CSMD2: variants seen among roughly 807,000 people sequenced by gnomAD.
The protein encoded by CSMD2 is CUB and Sushi multiple domains 2, also known as CUB and sushi domain-containing protein 2.
Under a neutral mutation model 398.5 loss-of-function variants are expected in CSMD2, and 130 were observed. That is an observed-to-expected ratio of 0.33 (90% confidence interval 0.28 to 0.38). The LOEUF (loss-of-function observed/expected upper bound fraction) is 0.38, where lower values mean the gene tolerates loss of function less well. Among genes scored for constraint, CSMD2 ranks in the 10% least tolerant of loss-of-function variants. The pLI, the probability that CSMD2 is intolerant of heterozygous loss-of-function variation, is 1.00. For synonymous variants in CSMD2, 1,828 were observed against 1,908.5 expected (o/e 0.96, Z 1.10); for missense variants, 3,829 against 4,764.9 (o/e 0.80, Z 5.78).
At chr1:34,077,694 G>A (rs985462561) in intron 2 of CSMD2, among the ~76,000 whole-genome samples, 67 of 135,224 alleles carry the variant, frequency 5.0e-4, no homozygotes, top group African/African-American at 1.8e-3. Context: ...CTGAGATTGT[G>A]CCACTGCACT....
Position 33,698,796 on chromosome 1 carries a change from A to T in CSMD2, c.3882T>A (p.Ser1294Arg), listed in dbSNP as rs1365600383. The T allele has an allele frequency of 1.9e-6, 3 of 1,614,074 alleles. No individual in the cohort carries two copies. The South Asian group carries it at 3.3e-5, about 18-fold the overall frequency. ...LRGSEELLCL[S>R]GERRTWDRPL... ...GCCGGTCCCAGGTCCGGCGCTCTCC[A>T]CTCAGACACAGCAGCTCCTCACTAC... is the stretch of plus-strand genomic sequence containing the variant. Residue 1294 changes from serine to arginine, a missense_variant, in exon 24 of 71, where the codon AGT (serine) becomes AGA (arginine). Physicochemically the swap from Ser to Arg is moderately radical, Grantham distance 110 (BLOSUM62 -1). This residue lies in a region of CSMD2 where 2,001 missense variants were observed against 2,567.1 expected (regional missense o/e 0.78). Coordinates refer to ENST00000373381, the MANE Select transcript of CSMD2 (RefSeq NM_001281956.2).
intron 2 of CSMD2, among the ~76,000 whole-genome samples, chr1:34,044,540 A>G (rs1652256652): frequency 1.4e-5 from 2 of 139,136 alleles, no homozygotes; most frequent in South Asian, 2.6e-4. Flanking sequence ...GGCTGTTGCT[A>G]TGTCAGCCAT....
chr1:33,741,999 C>T (rs1033065266), intron 14 of CSMD2, among the ~76,000 whole-genome samples: 13 of 152,196 alleles, frequency 8.5e-5, no homozygotes, highest in Non-Finnish European at 1.5e-4. Flanking sequence ...AGGCCCTGTG[C>T]GGGGCCAAGG....
Position 33,687,043 on chromosome 1 carries a change from C to T in CSMD2, c.4052+5887G>A, listed in dbSNP as rs192574356. ...TTAAGGAGGGTACCCTCTTTAATTA[C>T]CATCTTAAACATAAGAGAACTGAGG... On this transcript the variant is annotated intron_variant, in intron 25 of 70. Coordinates refer to ENST00000373381, the MANE Select transcript of CSMD2 (RefSeq NM_001281956.2). Among the ~76,000 whole-genome samples, 4 of 152,270 alleles carry T rather than the reference C, an allele frequency of 2.6e-5. No homozygotes were observed. The East Asian group carries it at 7.7e-4, about 29-fold the overall frequency.
intron 5 of CSMD2, among the ~76,000 whole-genome samples, chr1:33,851,817 T>C (rs1358499064): frequency 6.6e-6 from 1 of 152,204 alleles, no homozygotes; most frequent in African/African-American, 2.4e-5. Context: ...CATGATGTTA[T>C]ATATTTTCCA....
intron 2 of CSMD2, among the ~76,000 whole-genome samples, chr1:34,087,546 A>G (rs867107129): frequency 3.7e-4 from 56 of 151,568 alleles, no homozygotes; most frequent in Non-Finnish European, 6.0e-4. Context: ...GCAGAAAACC[A>G]CCACGGCACA....
chr1:33,850,278 C>T (rs1349685221), intron 5 of CSMD2, among the ~76,000 whole-genome samples: 1 of 152,146 alleles, frequency 6.6e-6, no homozygotes, highest in East Asian at 1.9e-4. Flanking sequence ...TTCATGTATT[C>T]AGGAATACAC....
At chr1:33,691,342 C>T (rs2149094448) in intron 25 of CSMD2, among the ~76,000 whole-genome samples, 1 of 152,146 alleles carries the variant, frequency 6.6e-6, no homozygotes, top group East Asian at 1.9e-4. Flanking sequence ...GAAGGTTATC[C>T]CAGCAGTGCC....
intron 25 of CSMD2, among the ~76,000 whole-genome samples, chr1:33,665,530 C>T (rs1422771212): frequency 8.0e-6 from 1 of 125,116 alleles, no homozygotes; most frequent in African/African-American, 3.1e-5. Flanking sequence ...TTCAGTGGTG[C>T]AATCGTAACT....
At chr1:33,990,776 TG>T (rs1646525360) in intron 3 of CSMD2, among the ~76,000 whole-genome samples, 1 of 152,196 alleles carries the variant, frequency 6.6e-6, no homozygotes, top group East Asian at 1.9e-4. Flanking sequence ...AGGCCAGGGG[TG>T]AGCCTACTGA....
chr1:34,069,761 G>T (rs1432695674), intron 2 of CSMD2, among the ~76,000 whole-genome samples: 1 of 152,208 alleles, frequency 6.6e-6, no homozygotes, highest in African/African-American at 2.4e-5. Flanking sequence ...GGTGTGATTA[G>T]ATTTGGAGAA....
In CSMD2 at chr1:33,559,502, C is replaced by A. The variant is rs754978874; in HGVS notation, c.8381-29G>T. 6.5e-7 allele frequency: 1 copy of A among 1,533,322 alleles called. No homozygotes were observed. Among genetic ancestry groups the A allele is most frequent in the Middle Eastern group, 1.7e-4 (1 of 5,974 alleles). 95.0% of individuals were successfully genotyped at this position (1,533,322 alleles called of 1,614,324 possible). A position where few individuals can be genotyped will look rare whatever the true frequency, so the allele number is the denominator to read the frequency against. On this transcript the variant is annotated intron_variant, in intron 53 of 70. Coordinates refer to ENST00000373381, the MANE Select transcript of CSMD2 (RefSeq NM_001281956.2). This position sits in a 1 kb window ranked among gnomAD's most constrained non-coding sequence, Gnocchi z 4.0. ...TAACCAAAACAGAAGATAGGTAAGC[C>A]CTCCTACTATTCCACACCCCTCAGA...
chr1:34,089,038 C>T lies in CSMD2; in HGVS notation c.343G>A (p.Glu115Lys). The T allele has an allele frequency of 6.2e-7, 1 of 1,614,178 alleles. No individual in the cohort carries two copies. The highest frequency in any genetic ancestry group is 2.2e-5 in the East Asian group (1 of 44,870). The stretch of plus-strand genomic sequence containing the variant: ...AACACCGACAGGACATCAAAGTCCT[C>T]TTCCAGGGCAAAGGACTGGAACACA... ...QLVFQSFALE[E>K]DFDVLSVFDG... Residue 115 changes from glutamate to lysine, a missense_variant, in exon 2 of 71, where the codon GAG (glutamate) becomes AAG (lysine). Glu to Lys is a moderately conservative substitution (Grantham distance 56, BLOSUM62 1). Around this residue, in one of 5 missense-constraint regions of CSMD2, gnomAD observed 184 missense variants for 217.7 expected, o/e 0.85. Coordinates refer to ENST00000373381, the MANE Select transcript of CSMD2 (RefSeq NM_001281956.2).
rs182732579 is a variant in CSMD2 at position 33,948,115 on chromosome 1, C to T, written c.518-12161G>A. 3.1e-4 allele frequency among the ~76,000 whole-genome samples: 47 copies of T among 152,316 alleles called. 1 individual carries two copies. Among genetic ancestry groups the T allele is most frequent in the African/African-American group, 9.4e-4 (39 of 41,576 alleles). ...CTCCCTAACTGGGCCAAAGATGGTA[C>T]TTGGTGAACATTTTGCAGTTTGAGG... On this transcript the variant is annotated intron_variant, in intron 3 of 70. Transcript: ENST00000373381.
In CSMD2 at chr1:33,608,010, G is replaced by T. The variant is rs144578673; in HGVS notation, c.6344-2540C>A. On this transcript the variant is annotated intron_variant, in intron 41 of 70. Coordinates refer to ENST00000373381, the MANE Select transcript of CSMD2 (RefSeq NM_001281956.2). ...GGAGGCTGCAAACCTCAGTGGGAGA[G>T]ACAGGCCCATCCCAGGGAGGGACAC... Among the ~76,000 whole-genome samples the T allele has an allele frequency of 2.6e-5, 4 of 152,316 alleles. No homozygotes were observed. In the East Asian group the frequency reaches 7.7e-4, roughly 29 times the overall value.
intron 13 of CSMD2, among the ~76,000 whole-genome samples, chr1:33,755,611 A>T (rs572335462): frequency 1.6e-4 from 24 of 152,318 alleles, no homozygotes; most frequent in African/African-American, 5.8e-4. Flanking sequence ...GATATAATCC[A>T]GTCCAAAAAC....
chr1:33,614,569 C>T lies in CSMD2; in HGVS notation c.6068G>A (p.Gly2023Asp). ...EEMEGVILSPGFPGNYPSNMD... is the reference protein window; with the variant it reads ...EEMEGVILSPDFPGNYPSNMD... Reference sequence around the variant, plus strand: ...GTTACTGGGGTAGTTGCCTGGGAAGCCGGGGCTCAGGATCACCCCCTCCAT... The same window carrying T: ...GTTACTGGGGTAGTTGCCTGGGAAGTCGGGGCTCAGGATCACCCCCTCCAT... Residue 2023 changes from glycine to aspartate, a missense_variant, in exon 40 of 71, where the codon GGC becomes GAC. Gly to Asp is a moderately conservative substitution (Grantham distance 94). This residue lies in a region of CSMD2 where 2,001 missense variants were observed against 2,567.1 expected (regional missense o/e 0.78). Coordinates refer to ENST00000373381, the MANE Select transcript of CSMD2 (RefSeq NM_001281956.2). The T allele has an allele frequency of 6.2e-7, 1 of 1,613,320 alleles. No individual in the cohort carries two copies. The highest frequency in any genetic ancestry group is 1.7e-5 in the Admixed American group (1 of 59,976).
rs74830814 is a variant in CSMD2 at position 33,605,221 on chromosome 1, C to T, written c.6532+61G>A. The T allele has an allele frequency of 0.012, 17,776 of 1,492,356 alleles. 1,101 individuals are homozygous for T. The East Asian group carries it at 0.21, about 18-fold the overall frequency. 92.4% of individuals were successfully genotyped at this position (1,492,356 alleles called of 1,614,324 possible). Reference sequence around the variant, plus strand: ...AGCAGGTAGGTGGAACATGGGATTGCTCTGGACCAGTCTCCACGAGTACCC... The same window carrying T: ...AGCAGGTAGGTGGAACATGGGATTGTTCTGGACCAGTCTCCACGAGTACCC... On this transcript the variant is annotated intron_variant, in intron 42 of 70. Transcript: ENST00000373381.
chr1:34,049,746 C>G lies in CSMD2; in HGVS notation c.405-17040G>C, dbSNP rs376992408. Among the ~76,000 whole-genome samples, 7 of 152,270 alleles carry G rather than the reference C, an allele frequency of 4.6e-5. No individual in the cohort carries two copies. The East Asian group carries it at 1.2e-3, about 25-fold the overall frequency. ...ATTGATTGCGCCTTGTCATACTCTGCCAGTTGCTCTGCTTTATTTTTCTCA... is the reference window on the plus strand; with the variant it reads ...ATTGATTGCGCCTTGTCATACTCTGGCAGTTGCTCTGCTTTATTTTTCTCA... On this transcript the variant is annotated intron_variant, in intron 2 of 70. Coordinates refer to ENST00000373381, the MANE Select transcript of CSMD2 (RefSeq NM_001281956.2).
Sources: allele counts gnomAD v4.1 joint callset (sites outside exome capture counted in the v4.1 genomes callset), GRCh38; gene constraint gnomAD v4.1.1; regional missense constraint gnomAD v4.1.1; non-coding constraint Gnocchi (gnomAD v3.1); transcripts MANE v1.5; gene names NCBI Gene and HGNC (gene_info 2026-07-23, HGNC 2026-07-21).